SBNO1: variants seen among roughly 807,000 people sequenced by gnomAD.
The protein encoded by SBNO1 is strawberry notch homolog 1.
In SBNO1, 23 loss-of-function variants were observed where a neutral mutation model predicts 173.6. The ratio of observed to expected loss-of-function variants is 0.13; its 90% CI spans 0.10 to 0.19. SBNO1 has a LOEUF of 0.19. SBNO1 is among the 10% of genes least tolerant of loss of function. The pLI, the probability that SBNO1 is intolerant of heterozygous loss-of-function variation, is 1.00. For missense variants in SBNO1, 1,238 were observed against 1,671.2 expected (o/e 0.74, Z 4.52); for synonymous variants, 632 against 571.5 (o/e 1.11, Z -1.51).
intron 1 of SBNO1, among the ~76,000 whole-genome samples, chr12:123,353,103 AAGG>A (rs763621125): frequency 7.2e-5 from 11 of 152,278 alleles, no homozygotes; most frequent in Admixed American, 2.6e-4. Context: ...CAGCCTCCCA[AAGG>A]AGATTTCTCC....
intron 31 of SBNO1, 85 bp downstream of exon 31, chr12:123,297,893 G>A (rs908642143): frequency 8.1e-7 from 1 of 1,232,850 alleles, no homozygotes; most frequent in Non-Finnish European, 1.2e-6. Flanking sequence ...GATGCATGTG[G>A]AATAAAGCTA....
chr12:123,306,848 A>G lies in SBNO1; in HGVS notation c.3631-2129T>C, dbSNP rs569273106. On this transcript the variant is annotated intron_variant, in intron 28 of 31. Transcript: ENST00000602398. ...GATGTTTATCTGTACTGTTTCTTATAATGACATGCAAATCAACCTACAGTT... is the reference window on the plus strand; with the variant it reads ...GATGTTTATCTGTACTGTTTCTTATGATGACATGCAAATCAACCTACAGTT... Among the ~76,000 whole-genome samples, 3 of 152,056 alleles carry G rather than the reference A, an allele frequency of 2.0e-5. No homozygotes were observed. In the East Asian group the frequency reaches 5.8e-4, roughly 29 times the overall value.
intron 19 of SBNO1, 85 bp from the exon 20 acceptor site, chr12:123,320,116 G>C (rs1593357025): frequency 6.9e-7 from 1 of 1,454,788 alleles, no homozygotes; most frequent in Non-Finnish European, 9.5e-7. Context: ...AGACACTTGG[G>C]AGATAAGAGC....
chr12:123,312,025 C>T (rs1160467409), intron 24 of SBNO1, among the ~76,000 whole-genome samples: 1 of 152,010 alleles, frequency 6.6e-6, no homozygotes, highest in Non-Finnish European at 1.5e-5. Context: ...CAGGTGTGAG[C>T]CACTGCGCCT....
chr12:123,322,566 G>A (rs190164918), intron 16 of SBNO1, among the ~76,000 whole-genome samples: 1 of 151,914 alleles, frequency 6.6e-6, no homozygotes, highest in African/African-American at 2.4e-5. Flanking sequence ...CAAAAAGCTG[G>A]GATTACAGGC....
In SBNO1 at chr12:123,327,471, A is replaced by C. The variant is rs762333581; in HGVS notation, c.1647T>G (p.Leu549=). The change falls in exon 13 of 32, where the codon CTT becomes CTG. Residue 549 remains leucine (L), a synonymous_variant. Transcript: ENST00000602398. The part of the protein sequence containing the change: ...TGVTFKIEEV[L]LSQSYVKMYN... ...ACATTTTAACGTAGCTCTGAGAAAG[A>C]AGAACTTCCTCAATTTTGAAGGTCA... The C allele has an allele frequency of 1.5e-5, 25 of 1,613,746 alleles. No homozygotes were observed. The South Asian group carries it at 2.2e-4, about 14-fold the overall frequency.
intron 23 of SBNO1, among the ~76,000 whole-genome samples, chr12:123,314,733 G>A (rs1031596664): frequency 1.3e-5 from 2 of 152,060 alleles, no homozygotes; most frequent in African/African-American, 4.8e-5. Context: ...CGCCTTCCAA[G>A]TAGCTGGGAC....
rs1869827369 is a variant in SBNO1, at chr12:123,320,507, T to C, written c.2592A>G (p.Lys864=). Reference sequence around the variant, plus strand: ...TATTAGGGGGGAGGTCTTCAGCTAATTTTTCTAGCTTATCAAGCAGGTCTT... The same window carrying C: ...TATTAGGGGGGAGGTCTTCAGCTAACTTTTCTAGCTTATCAAGCAGGTCTT... ...MKKDLLDKLE[K]LAEDLPPNTL... Residue 864 remains lysine (K), a synonymous_variant, in exon 19 of 32, where the codon AAA becomes AAG. Coordinates refer to ENST00000602398, the MANE Select transcript of SBNO1 (RefSeq NM_001167856.3). The C allele has an allele frequency of 6.2e-6, 10 of 1,614,136 alleles. No individual in the cohort carries two copies. The highest frequency in any genetic ancestry group is 8.5e-7 in the Non-Finnish European group (1 of 1,180,002).
At position 123,327,431 on chromosome 12, in the gene SBNO1, T is replaced by C. The variant is rs190010681; in HGVS notation, c.1687A>G (p.Lys563Glu). 1.1e-5 allele frequency: 18 copies of C among 1,609,246 alleles called. No homozygotes were observed. Among genetic ancestry groups the C allele is most frequent in the Middle Eastern group, 1.7e-4 (1 of 6,032 alleles). Residue 563 changes from lysine (K) to glutamate (E), a missense_variant, in exon 13 of 32, where the codon AAG (lysine) becomes GAG (glutamate). By Grantham distance (56) the Lys-to-Glu change is moderately conservative. Coordinates refer to ENST00000602398, the MANE Select transcript of SBNO1 (RefSeq NM_001167856.3). ...AATTAAGAAAAATTCCTCACCAGCTTGACAGCTTTGTTATACATTTTAACG... is the reference window on the plus strand; with the variant it reads ...AATTAAGAAAAATTCCTCACCAGCTCGACAGCTTTGTTATACATTTTAACG... ...SYVKMYNKAV[K>E]LWVIARERFQ...
At chr12:123,330,939 C>T (rs996082080) in intron 8 of SBNO1, among the ~76,000 whole-genome samples, 1 of 152,078 alleles carries the variant, frequency 6.6e-6, no homozygotes, top group Admixed American at 6.5e-5. Context: ...AGGCGGATCC[C>T]ATCCCCACAT....
In SBNO1 at chr12:123,295,721, C is replaced by T; in HGVS notation, c.*187G>A. The T allele has an allele frequency of 1.5e-6, 1 of 660,092 alleles. No homozygotes were observed. The highest frequency in any genetic ancestry group is 2.5e-5 in the East Asian group (1 of 39,376). The allele number at this position is 660,092 out of a possible 1,614,324, so 40.9% of individuals were successfully genotyped here. A position where few individuals can be genotyped will look rare whatever the true frequency, so the allele number is the denominator to read the frequency against. Reference sequence around the variant, plus strand: ...AGAAGCTAAAGGAAAGACATATGTACCACCATCAGCACTGCTGATTTTCAG... The same window carrying T: ...AGAAGCTAAAGGAAAGACATATGTATCACCATCAGCACTGCTGATTTTCAG... On this transcript the variant is annotated 3_prime_UTR_variant, in exon 32 of 32. Coordinates refer to ENST00000602398, the MANE Select transcript of SBNO1 (RefSeq NM_001167856.3).
At chr12:123,318,646 T>C (rs996452487) in intron 20 of SBNO1, among the ~76,000 whole-genome samples, 2 of 149,600 alleles carry the variant, frequency 1.3e-5, no homozygotes, top group African/African-American at 4.9e-5. Flanking sequence ...GGCACAAGAA[T>C]CACTTGGACC....
chr12:123,320,280 G>C (rs1869802526), intron 19 of SBNO1, 152 bp downstream of exon 19: 17 of 782,790 alleles, frequency 2.2e-5, no homozygotes, highest in South Asian at 2.0e-4. Context: ...ACTGCAGGCA[G>C]CAGTTCATTG....
chr12:123,289,140 A>G lies in SBNO1; in HGVS notation c.*6768T>C, dbSNP rs2048475621. 1 of 151,644 alleles carries G rather than the reference A, an allele frequency of 6.6e-6. No individual in the cohort carries two copies. The highest frequency in any genetic ancestry group is 1.5e-5 in the Non-Finnish European group (1 of 67,910). The allele number at this position is 151,644 out of a possible 1,614,324, so 9.4% of individuals were successfully genotyped here. On this transcript the variant is annotated 3_prime_UTR_variant, in exon 32 of 32. Transcript: ENST00000602398. ...GTATTTAATTTATTTAGAATCTTAC[A>G]AAAACAAAAAACAAAACAAAAACCA...
intron 5 of SBNO1, among the ~76,000 whole-genome samples, chr12:123,339,261 ATC>A (rs373618334): frequency 8.5e-4 from 129 of 152,074 alleles, no homozygotes; most frequent in African/African-American, 2.5e-3. Context: ...ATGTACAGTC[ATC>A]TCTTTTTTTC....
chr12:123,298,017 T>G lies in SBNO1; in HGVS notation c.4000A>C (p.Ile1334Leu). The change falls in exon 31 of 32, where the codon ATC becomes CTC. Residue 1334 changes from isoleucine to leucine, a missense_variant. By Grantham distance (5) the Ile-to-Leu change is conservative. This residue lies in a region of SBNO1 where 351 missense variants were observed against 420.3 expected (regional missense o/e 0.84). Transcript: ENST00000602398. ...CCATCTTCCGTTCTTAGCCGCACGA[T>G]CTGCATCTTCACGTTTGTGCCACTG... ...SVSGTNVKMQ[I>L]VRLRTEDGQR... 6.2e-7 allele frequency: 1 copy of G among 1,614,150 alleles called. No individual in the cohort carries two copies. The highest frequency in any genetic ancestry group is 1.1e-5 in the South Asian group (1 of 91,076).
chr12:123,342,815 T>G (rs901130202), intron 4 of SBNO1, among the ~76,000 whole-genome samples: 1 of 152,168 alleles, frequency 6.6e-6, no homozygotes, highest in Non-Finnish European at 1.5e-5. Flanking sequence ...ATTCTTGAGA[T>G]AGAGGTGCGG....
At chr12:123,346,151 T>C (rs1873108466) in intron 3 of SBNO1, among the ~76,000 whole-genome samples, 1 of 152,180 alleles carries the variant, frequency 6.6e-6, no homozygotes, top group Admixed American at 6.6e-5. Flanking sequence ...CACAGTGGTG[T>C]GCACCTGCAT....
intron 8 of SBNO1, 54 bp downstream of exon 8, chr12:123,331,188 T>A (rs1363892741): frequency 6.3e-7 from 1 of 1,584,276 alleles, no homozygotes; most frequent in Non-Finnish European, 8.6e-7. Flanking sequence ...GGTCTCGATC[T>A]CCTAACCTCG....
Sources: allele counts gnomAD v4.1 joint callset (sites outside exome capture counted in the v4.1 genomes callset), GRCh38; gene constraint gnomAD v4.1.1; regional missense constraint gnomAD v4.1.1; transcripts MANE v1.5; gene names NCBI Gene and HGNC (gene_info 2026-07-23, HGNC 2026-07-21).